CPQ: variants seen among roughly 807,000 people sequenced by gnomAD.
CPQ encodes carboxypeptidase Q, also known as Ser-Met dipeptidase.
In CPQ, 37 loss-of-function variants were observed where a neutral mutation model predicts 45.7. The observed-to-expected ratio is 0.81, with a 90% CI of 0.62 to 1.07. The LOEUF (loss-of-function observed/expected upper bound fraction) is 1.07. CPQ is among the 50% of genes least tolerant of loss of function. The pLI is 0.00. For missense variants in CPQ, 537 were observed against 572.9 expected (o/e 0.94, Z 0.64); for synonymous variants, 186 against 205.8 (o/e 0.90, Z 0.82).
chr8:96,822,349 T>C (rs1811319311), intron 2 of CPQ, among the ~76,000 whole-genome samples: 1 of 152,070 alleles, frequency 6.6e-6, no homozygotes, highest in African/African-American at 2.4e-5. Context: ...TTGTCAATAA[T>C]GTTGTAATGA....
At chr8:96,700,081 A>G (rs16895025) in intron 1 of CPQ, among the ~76,000 whole-genome samples, 1,806 of 152,216 alleles carry the variant, frequency 0.012, 47 homozygotes, top group African/African-American at 0.039. Context: ...TAGATGTTGC[A>G]TGAGGTGAGG....
intron 1 of CPQ, among the ~76,000 whole-genome samples, chr8:96,720,063 A>G (rs531818904): frequency 1.3e-5 from 2 of 152,146 alleles, no homozygotes; most frequent in Non-Finnish European, 2.9e-5. Flanking sequence ...TCTGTGCACT[A>G]TTTTGTCTTT....
chr8:96,672,872 A>AGG (rs941397858), intron 1 of CPQ, among the ~76,000 whole-genome samples: 1 of 152,086 alleles, frequency 6.6e-6, no homozygotes, highest in African/African-American at 2.4e-5. Context: ...TTCAGGGGGT[A>AGG]CATGTGTGGG....
At chr8:96,716,556 A>G (rs1809674554) in intron 1 of CPQ, among the ~76,000 whole-genome samples, 1 of 152,104 alleles carries the variant, frequency 6.6e-6, no homozygotes, top group Non-Finnish European at 1.5e-5. Flanking sequence ...CTTTGCTCCC[A>G]CTTATGAGTG....
chr8:96,786,977 CTT>C (rs1369808555), intron 2 of CPQ, among the ~76,000 whole-genome samples: 1 of 151,554 alleles, frequency 6.6e-6, no homozygotes, highest in African/African-American at 2.4e-5. Flanking sequence ...TGAGGACTGT[CTT>C]TTCTTTTTTT....
chr8:97,044,535 C>A (rs140735022), intron 6 of CPQ, among the ~76,000 whole-genome samples: 1 of 152,220 alleles, frequency 6.6e-6, no homozygotes, highest in Non-Finnish European at 1.5e-5. Flanking sequence ...GAGGAACTGC[C>A]TTCCTTTGGA....
intron 5 of CPQ, among the ~76,000 whole-genome samples, chr8:97,006,570 A>C (rs1320366983): frequency 1.3e-5 from 2 of 152,222 alleles, no homozygotes. Context: ...TCCAAATTGC[A>C]AATCAGCCAA....
chr8:96,934,395 C>T (rs952112546), intron 4 of CPQ, among the ~76,000 whole-genome samples: 1 of 152,108 alleles, frequency 6.6e-6, no homozygotes, highest in South Asian at 2.1e-4. Flanking sequence ...AGAGGGCATT[C>T]CAGGCAGGGG....
At chr8:96,771,033 G>A (rs1179497936) in intron 1 of CPQ, among the ~76,000 whole-genome samples, 1 of 147,574 alleles carries the variant, frequency 6.8e-6, no homozygotes, top group East Asian at 2.0e-4. Context: ...GAGGCTGGAG[G>A]CAGGGAGATC....
At chr8:96,879,379 AAC>A (rs1478370673) in intron 3 of CPQ, among the ~76,000 whole-genome samples, 2 of 152,194 alleles carry the variant, frequency 1.3e-5, no homozygotes, top group Non-Finnish European at 2.9e-5. Context: ...GGCAGGCAGT[AAC>A]CACAGAACTA....
At chr8:97,052,520 TA>T (rs1810380168) in intron 6 of CPQ, among the ~76,000 whole-genome samples, 1 of 152,148 alleles carries the variant, frequency 6.6e-6, no homozygotes, top group African/African-American at 2.4e-5. Flanking sequence ...GATACAGTTT[TA>T]AAATATTATA....
chr8:96,874,653 T>G (rs2130876948), intron 3 of CPQ, among the ~76,000 whole-genome samples: 1 of 151,986 alleles, frequency 6.6e-6, no homozygotes, highest in South Asian at 2.1e-4. Context: ...TTCATCCATG[T>G]TGTAGCATGT....
At chr8:96,753,789 G>A (rs1269623896) in intron 1 of CPQ, among the ~76,000 whole-genome samples, 1 of 151,642 alleles carries the variant, frequency 6.6e-6, no homozygotes, top group Admixed American at 6.6e-5. Flanking sequence ...TTGCATGTTA[G>A]TATGATCTTG....
chr8:96,645,515 G>A (rs1386817725), intron 1 of CPQ, 113 bp downstream of exon 1: 3 of 152,598 alleles, frequency 2.0e-5, no homozygotes, highest in Non-Finnish European at 4.4e-5. Flanking sequence ...CGGGGGCAGA[G>A]GGGGACGGAC....
intron 4 of CPQ, among the ~76,000 whole-genome samples, chr8:96,963,672 A>G (rs1813500985): frequency 6.6e-6 from 1 of 152,170 alleles, no homozygotes; most frequent in Admixed American, 6.5e-5. Context: ...TAAAACTTCT[A>G]AAAAAATTAT....
chr8:96,809,949 C>T (rs1361635962), intron 2 of CPQ, among the ~76,000 whole-genome samples: 1 of 152,154 alleles, frequency 6.6e-6, no homozygotes, highest in Non-Finnish European at 1.5e-5. Context: ...GAACACCCAA[C>T]TTGCTAAGTC....
chr8:97,024,778 A>T (rs1809769540), intron 5 of CPQ, among the ~76,000 whole-genome samples: 1 of 152,180 alleles, frequency 6.6e-6, no homozygotes, highest in African/African-American at 2.4e-5. Context: ...CTGTACTCTT[A>T]TTAGTTAAGT....
intron 1 of CPQ, among the ~76,000 whole-genome samples, chr8:96,723,449 G>T (rs1384498998): frequency 6.6e-6 from 1 of 151,920 alleles, no homozygotes; most frequent in Non-Finnish European, 1.5e-5. Flanking sequence ...CCACCCCTTT[G>T]GTTTGTTTTA....
intron 5 of CPQ, among the ~76,000 whole-genome samples, chr8:97,023,457 A>G (rs1380329130): frequency 6.6e-6 from 1 of 152,150 alleles, no homozygotes; most frequent in African/African-American, 2.4e-5. Flanking sequence ...CACCACCTGT[A>G]CCCCAATAAC....
Sources: gnomAD v4.1 joint callset for allele counts (sites outside exome capture counted in the v4.1 genomes callset) on GRCh38, gnomAD v4.1.1 for gene constraint, MANE v1.5 for transcripts, NCBI Gene and HGNC (gene_info 2026-07-23, HGNC 2026-07-21) for gene names.